Variants in POM121 observed in about 807,000 individuals in gnomAD.
POM121 encodes the protein POM121 transmembrane nucleoporin.
POM121 carries 32 observed loss-of-function variants against 81.3 expected under a neutral mutation model. The observed-to-expected ratio is 0.39, with a 90% CI of 0.30 to 0.53. The LOEUF is 0.53. POM121 is among the 20% of genes least tolerant of loss of function. The pLI, the probability that POM121 is intolerant of heterozygous loss-of-function variation, is 0.66. For synonymous variants in POM121, 514 were observed against 694.2 expected (o/e 0.74, Z 4.08); for missense variants, 1,138 against 1,614.6 (o/e 0.70, Z 5.06).
Position 72,945,686 on chromosome 7 carries a change from C to T in POM121, c.3630C>T (p.Gly1210=), listed in dbSNP as rs782524631. The T allele has an allele frequency of 8.1e-6, 13 of 1,611,512 alleles. No homozygotes were observed. In the Admixed American group the frequency reaches 2.2e-4, roughly 27 times the overall value. ...GGGCATCCTCAGCACCCGCCCAAGG[C>T]TTTGTTGGTGTTGCACCTTTCGGTA... ...SFGASSAPAQ[G]FVGVAPFGSA... The change falls in exon 12 of 13, where the codon GGC becomes GGT. Residue 1210 remains glycine, a synonymous_variant. Transcript: ENST00000434423.
At chr7:72,915,771 C>G (rs1794239264) in intron 4 of POM121, among the ~76,000 whole-genome samples, 1 of 152,194 alleles carries the variant, frequency 6.6e-6, no homozygotes, top group Non-Finnish European at 1.5e-5. Context: ...CTCCTGGGTT[C>G]AAGAGATTCT....
chr7:72,914,703 T>G (rs1794134407), intron 4 of POM121, among the ~76,000 whole-genome samples: 1 of 152,148 alleles, frequency 6.6e-6, no homozygotes, highest in Non-Finnish European at 1.5e-5. Context: ...TATTGGTGTT[T>G]CCTGTGTTGC....
At chr7:72,891,978 C>G (rs1791341864) in intron 3 of POM121, among the ~76,000 whole-genome samples, 1 of 152,204 alleles carries the variant, frequency 6.6e-6, no homozygotes, top group Non-Finnish European at 1.5e-5. Flanking sequence ...GTAGCGCTCC[C>G]TCAGCTTTCC....
chr7:72,935,930 A>G (rs1364326750), intron 5 of POM121, among the ~76,000 whole-genome samples: 1 of 152,112 alleles, frequency 6.6e-6, no homozygotes, highest in Non-Finnish European at 1.5e-5. Flanking sequence ...GGATTTTAGT[A>G]CATACACTCA....
At chr7:72,949,400 C>T (rs782040361), downstream of POM121, 2 of 1,187,818 alleles carry the variant, frequency 1.7e-6, no homozygotes, top group African/African-American at 1.5e-5. Context: ...AAGTCCTCCT[C>T]AGCCAGCTCA....
chr7:72,945,497 A>G (rs1797590918), intron 11 of POM121, 89 bp from the exon 12 acceptor site: 1 of 1,512,078 alleles, frequency 6.6e-7, no homozygotes, highest in Non-Finnish European at 9.0e-7. Flanking sequence ...TCCCGTGGGA[A>G]GTGCCCTGCG....
downstream of POM121, chr7:72,949,028 A>G: frequency 1.2e-6 from 2 of 1,612,750 alleles, no homozygotes; most frequent in South Asian, 2.2e-5. Flanking sequence ...CGCTGCTGGA[A>G]CCCTGCCAGG....
At chr7:72,900,060 C>T (rs1554492412) in intron 3 of POM121, among the ~76,000 whole-genome samples, 1 of 152,216 alleles carries the variant, frequency 6.6e-6, no homozygotes, top group Non-Finnish European at 1.5e-5. Context: ...CCTACTGAAT[C>T]AGAATCTCAG....
At chr7:72,924,055 C>T (rs1795106780), upstream of POM121, among the ~76,000 whole-genome samples, 2 of 151,940 alleles carry the variant, frequency 1.3e-5, no homozygotes, top group South Asian at 4.1e-4. Context: ...ACGCCATTCT[C>T]CTGCCTCAGC....
intron 5 of POM121, among the ~76,000 whole-genome samples, chr7:72,933,652 T>C (rs1796238070): frequency 1.3e-5 from 2 of 152,236 alleles, no homozygotes; most frequent in Admixed American, 6.5e-5. Flanking sequence ...TCTAGAGGGC[T>C]TTGTGACAGG....
At chr7:72,898,813 A>T (rs1447818982) in intron 3 of POM121, among the ~76,000 whole-genome samples, 3 of 151,032 alleles carry the variant, frequency 2.0e-5, no homozygotes, top group Non-Finnish European at 4.4e-5. Context: ...AAAAAAAAAA[A>T]AAAATGCTGG....
At position 72,948,142 on chromosome 7, in the gene POM121, A is replaced by C; in HGVS notation, c.*1908A>C. ...GAACCCTGAGTGAGAATGAGTGTGG[A>C]TGTGTACAGTACACGCACTGGACGG... On this transcript the variant is annotated 3_prime_UTR_variant, in exon 13 of 13. Coordinates refer to ENST00000434423, the MANE Select transcript of POM121 (RefSeq NM_001387691.1). 2 of 1,421,512 alleles carry C rather than the reference A, an allele frequency of 1.4e-6. No homozygotes were observed. Among genetic ancestry groups the C allele is most frequent in the South Asian group, 1.5e-5 (1 of 65,312 alleles). The allele number at this position is 1,421,512 out of a possible 1,614,324, so 88.1% of individuals were successfully genotyped here.
chr7:72,898,908 C>CGAGGG (rs1270846564), intron 3 of POM121, among the ~76,000 whole-genome samples: 9 of 148,386 alleles, frequency 6.1e-5, no homozygotes, highest in African/African-American at 2.2e-4. Context: ...CTCCGACTGG[C>CGAGGG]GAGGGTGAGT....
Position 72,939,914 on chromosome 7 carries a change from G to C in POM121, c.1509G>C (p.Gln503His). 3.7e-6 allele frequency: 6 copies of C among 1,608,486 alleles called. No homozygotes were observed. Among genetic ancestry groups the C allele is most frequent in the Non-Finnish European group, 5.1e-6 (6 of 1,177,084 alleles). The change falls in exon 8 of 13, where the codon CAG becomes CAC. Residue 503 changes from glutamine to histidine, a missense_variant. Gln to His is a conservative substitution (Grantham distance 24). This residue lies in a region of POM121 where 24 missense variants were observed against 54.3 expected (regional missense o/e 0.44). Transcript: ENST00000434423. The stretch of plus-strand genomic sequence containing the variant: ...AGTCTACACCTGGCAGCTCTGGGCA[G>C]CGTAAGCGGAAAGTTCAGCTGCTGC... ...NSQSTPGSSG[Q>H]RKRKVQLLPS...
Position 72,943,065 on chromosome 7 carries a change from G to T in POM121, c.3072G>T (p.Thr1024=), listed in dbSNP as rs782710143. The change falls in exon 11 of 13, where the codon ACG becomes ACT. Residue 1024 remains threonine, a synonymous_variant. Coordinates refer to ENST00000434423, the MANE Select transcript of POM121 (RefSeq NM_001387691.1). ...MIKVVPAYVP[T]PIHPIFGGAT... Reference sequence around the variant, plus strand: ...AGGTCGTGCCTGCGTACGTGCCTACGCCCATCCATCCTATCTTTGGCGGTG... The same window carrying T: ...AGGTCGTGCCTGCGTACGTGCCTACTCCCATCCATCCTATCTTTGGCGGTG... The T allele has an allele frequency of 3.7e-6, 6 of 1,613,738 alleles. No individual in the cohort carries two copies. The African/African-American group carries it at 5.3e-5, about 14-fold the overall frequency.
rs1467582552 is a variant in POM121, at chr7:72,942,806, T to C, written c.2813T>C (p.Leu938Pro). Reference protein sequence around the residue: ...SAPATSSQPTLTFSNTSTPTF... With the variant: ...SAPATSSQPTPTFSNTSTPTF... ...CCGGCCACCAGCAGCCAGCCCACTC[T>C]GACGTTCAGTAACACGAGCACCCCC... The change falls in exon 11 of 13, where the codon CTG becomes CCG. Residue 938 changes from leucine to proline, a missense_variant. By Grantham distance (98) the Leu-to-Pro change is moderately conservative. This residue lies in a region of POM121 where 25 missense variants were observed against 229.8 expected (regional missense o/e 0.11). Coordinates refer to ENST00000434423, the MANE Select transcript of POM121 (RefSeq NM_001387691.1). 1.3e-5 allele frequency: 19 copies of C among 1,459,172 alleles called. No homozygotes were observed. Among genetic ancestry groups the C allele is most frequent in the East Asian group, 5.0e-5 (2 of 40,384 alleles). 90.4% of individuals were successfully genotyped at this position (1,459,172 alleles called of 1,614,324 possible).
chr7:72,911,565 C>T (rs1189116667), intron 3 of POM121, among the ~76,000 whole-genome samples: 6 of 152,210 alleles, frequency 3.9e-5, no homozygotes, highest in Non-Finnish European at 7.3e-5. Context: ...GAGCCTGCAC[C>T]GCAGTCACTG....
chr7:72,939,253 G>C, intron 6 of POM121, 83 bp from the exon 7 acceptor site: 1 of 1,535,350 alleles, frequency 6.5e-7, no homozygotes, highest in Admixed American at 2.1e-5. Context: ...TTGGCCACTT[G>C]GTAGTTAGGA....
intron 5 of POM121, among the ~76,000 whole-genome samples, chr7:72,930,381 T>TCTTTAA (rs1215287365): frequency 6.6e-6 from 1 of 152,238 alleles, no homozygotes; most frequent in Non-Finnish European, 1.5e-5. Flanking sequence ...ATTAGAATTG[T>TCTTTAA]CTTTAAGCTA....
Sources: gnomAD v4.1 joint callset for allele counts (sites outside exome capture counted in the v4.1 genomes callset) on GRCh38, gnomAD v4.1.1 for gene constraint, gnomAD v4.1.1 regional missense constraint, MANE v1.5 for transcripts, NCBI Gene and HGNC (gene_info 2026-07-23, HGNC 2026-07-21) for gene names.